Variants in PDE8B observed in about 807,000 individuals in gnomAD.
PDE8B encodes the protein high affinity cAMP-specific and IBMX-insensitive 3',5'-cyclic phosphodiesterase 8B.
In PDE8B, 26 loss-of-function variants were observed where a neutral mutation model predicts 101.3. That is an observed-to-expected ratio of 0.26 (90% CI 0.19 to 0.36). The LOEUF (loss-of-function observed/expected upper bound fraction) is 0.36, where lower values mean the gene tolerates loss of function less well. Ranked by LOEUF, PDE8B falls within the 10% of genes least tolerant of loss-of-function variation. PDE8B has a pLI of 1.00. For synonymous variants in PDE8B, 424 were observed against 429.3 expected, an observed-to-expected ratio of 0.99 and a Z score of 0.15; for missense variants, 810 against 1,163.1, an observed-to-expected ratio of 0.70 and a Z score of 4.42.
intron 1 of PDE8B, chr5:77,290,667 A>C (rs964033950): frequency 6.0e-6 from 9 of 1,507,776 alleles, no homozygotes; most frequent in Middle Eastern, 4.4e-4. Context: ...TGGTTTATCA[A>C]GGATGATTGG....
At chr5:77,331,591 G>A (rs1235418497) in intron 5 of PDE8B, 132 bp downstream of exon 5, 4 of 786,880 alleles carry the variant, frequency 5.1e-6, no homozygotes, top group Non-Finnish European at 8.9e-6. Flanking sequence ...GGGAAAGGAA[G>A]AAACTGTGTT....
At chr5:77,291,294 C>T (rs1767284690) in intron 1 of PDE8B, 1 of 1,612,874 alleles carries the variant, frequency 6.2e-7, no homozygotes, top group African/African-American at 1.3e-5. Context: ...TCTCTATGGG[C>T]CACTCCACAC....
chr5:77,423,661 A>ATTTTTTT (rs1797245306), intron 20 of PDE8B, among the ~76,000 whole-genome samples: 8 of 24,966 alleles, frequency 3.2e-4, no homozygotes, highest in African/African-American at 8.8e-4. Context: ...TTTTTTTTTG[A>ATTTTTTT]GACAGTCTTG....
chr5:77,087,827 A>G, the PDE8B span: 1 of 152,700 alleles, frequency 6.5e-6, no homozygotes, highest in African/African-American at 2.4e-5. Context: ...TGCTATTTCT[A>G]TGATGTAAAT....
chr5:77,175,415 A>G, the PDE8B span, among the ~76,000 whole-genome samples: 13 of 152,204 alleles, frequency 8.5e-5, no homozygotes, highest in African/African-American at 2.9e-4. Context: ...TGCATTTGCA[A>G]TTCCCTTCCC....
Position 77,337,328 on chromosome 5 carries a change from A to T in PDE8B, c.797+13A>T. 2 of 1,284,634 alleles carry T rather than the reference A, an allele frequency of 1.6e-6. No homozygotes were observed. The highest frequency in any genetic ancestry group is 2.3e-6 in the Non-Finnish European group (2 of 883,038). 79.6% of individuals were successfully genotyped at this position (1,284,634 alleles called of 1,614,324 possible). A position where few individuals can be genotyped will look rare whatever the true frequency, so the allele number is the denominator to read the frequency against. Reference sequence around the variant, plus strand: ...AGTTCAAATTACGGTATGTAGCAAAATGATACAGTAACATGAGGTTAACAA... The same window carrying T: ...AGTTCAAATTACGGTATGTAGCAAATTGATACAGTAACATGAGGTTAACAA... On this transcript the variant is annotated intron_variant, in intron 6 of 21. Coordinates refer to ENST00000264917, the MANE Select transcript of PDE8B (RefSeq NM_003719.5).
At chr5:77,295,004 GACA>G (rs1299538545) in intron 1 of PDE8B, among the ~76,000 whole-genome samples, 2 of 151,640 alleles carry the variant, frequency 1.3e-5, no homozygotes, top group Admixed American at 6.6e-5. Flanking sequence ...AATCCAAAAG[GACA>G]ACATCAATGC....
chr5:77,358,854 T>G (rs1223210295), intron 10 of PDE8B, among the ~76,000 whole-genome samples: 1 of 152,252 alleles, frequency 6.6e-6, no homozygotes, highest in African/African-American at 2.4e-5. Context: ...ATACAGACTT[T>G]GTACACGTGC....
At chr5:77,311,954 T>C (rs1017549852) in intron 1 of PDE8B, 40 bp from the exon 2 acceptor site, 5 of 1,536,488 alleles carry the variant, frequency 3.3e-6, no homozygotes, top group Non-Finnish European at 4.5e-6. Flanking sequence ...ATTTGTGTAG[T>C]TTAAGACTTG....
the PDE8B span, among the ~76,000 whole-genome samples, chr5:77,133,305 A>G: frequency 2.0e-5 from 3 of 152,228 alleles, no homozygotes; most frequent in Admixed American, 2.0e-4. Flanking sequence ...CCTCCTGGCC[A>G]AGCTCAGCCT....
Position 77,421,936 on chromosome 5 carries a change from T to C in PDE8B, c.2366T>C (p.Leu789Ser). 6.2e-7 allele frequency: 1 copy of C among 1,614,230 alleles called. No individual in the cohort carries two copies. The highest frequency in any genetic ancestry group is 1.1e-5 in the South Asian group (1 of 91,084). ...CADVANPCRP[L>S]DLCIEWAGRI... ...GACGTGGCCAACCCATGCCGCCCCTTGGACCTGTGCATTGAATGGGCTGGG... is the reference window on the plus strand; with the variant it reads ...GACGTGGCCAACCCATGCCGCCCCTCGGACCTGTGCATTGAATGGGCTGGG... The change falls in exon 20 of 22, where the codon TTG becomes TCG. Residue 789 changes from leucine to serine, a missense_variant. This residue lies in a region of PDE8B where 325 missense variants were observed against 560.9 expected (regional missense o/e 0.58). Transcript: ENST00000264917.
chr5:77,128,060 T>G, the PDE8B span, among the ~76,000 whole-genome samples: 1 of 152,224 alleles, frequency 6.6e-6, no homozygotes, highest in Non-Finnish European at 1.5e-5. Context: ...CCTGTCATTT[T>G]CTTATTTTGA....
intron 1 of PDE8B, among the ~76,000 whole-genome samples, chr5:77,243,109 A>G (rs1277556168): frequency 6.6e-6 from 1 of 152,330 alleles, no homozygotes; most frequent in East Asian, 1.9e-4. Context: ...AAGGCTTTGC[A>G]ATGATGTTGA....
the PDE8B span, among the ~76,000 whole-genome samples, chr5:77,096,413 G>A: frequency 1.3e-5 from 2 of 152,140 alleles, no homozygotes; most frequent in Admixed American, 1.3e-4. Flanking sequence ...ACCTGAGACT[G>A]GGTAATTTAT....
intron 10 of PDE8B, among the ~76,000 whole-genome samples, chr5:77,387,452 T>C (rs1788956348): frequency 6.6e-6 from 1 of 152,236 alleles, no homozygotes; most frequent in South Asian, 2.1e-4. Context: ...TCTAATGGGC[T>C]TCCCTTTGTG....
intron 2 of PDE8B, among the ~76,000 whole-genome samples, chr5:77,320,964 C>G (rs1327576365): frequency 6.6e-6 from 1 of 151,860 alleles, no homozygotes; most frequent in Non-Finnish European, 1.5e-5. Flanking sequence ...CAAGTAATAA[C>G]TGCCTTATAC....
At chr5:77,090,328 C>T in the PDE8B span, among the ~76,000 whole-genome samples, 1 of 152,184 alleles carries the variant, frequency 6.6e-6, no homozygotes, top group East Asian at 1.9e-4. Flanking sequence ...CAAGCTCCGC[C>T]TCCCGGGAGC....
At position 77,353,412 on chromosome 5, in the gene PDE8B, G is replaced by A; in HGVS notation, c.1167+6G>A. On this transcript the variant is annotated splice_donor_region_variant and intron_variant, in intron 10 of 21. Coordinates refer to ENST00000264917, the MANE Select transcript of PDE8B (RefSeq NM_003719.5). ...CCACTGACAATAATAAGCAGGTATG[G>A]TATTAGCTCACTTCGTTTGCTCTGT... The A allele has an allele frequency of 6.4e-7, 1 of 1,570,784 alleles. No homozygotes were observed.
chr5:77,244,190 A>G (rs886504252), intron 1 of PDE8B, among the ~76,000 whole-genome samples: 5 of 152,096 alleles, frequency 3.3e-5, no homozygotes, highest in African/African-American at 1.2e-4. Flanking sequence ...TGGGTTTTAG[A>G]AAGACTTAGC....
Sources: allele counts gnomAD v4.1 joint callset (sites outside exome capture counted in the v4.1 genomes callset), GRCh38; gene constraint gnomAD v4.1.1; regional missense constraint gnomAD v4.1.1; transcripts MANE v1.5; gene names NCBI Gene and HGNC (gene_info 2026-07-23, HGNC 2026-07-21).